SATB2: variants seen among roughly 807,000 people sequenced by gnomAD.
SATB2 encodes the protein SATB homeobox 2, also known as DNA-binding protein SATB2.
In SATB2, 1 loss-of-function variant was observed where a neutral mutation model predicts 73.4. The observed-to-expected ratio is 0.01, with a 90% CI of 0.00 to 0.06. The LOEUF (loss-of-function observed/expected upper bound fraction) is 0.06. Ranked by LOEUF, SATB2 falls within the 10% of genes least tolerant of loss-of-function variation. The pLI is 1.00. For missense variants in SATB2, 459 were observed against 945.8 expected (o/e 0.49, Z 6.75); for synonymous variants, 397 against 367.0 (o/e 1.08, Z -0.93).
intron 10 of SATB2, among the ~76,000 whole-genome samples, chr2:199,283,141 T>G (rs1692578681): frequency 6.6e-6 from 1 of 150,996 alleles, no homozygotes; most frequent in African/African-American, 2.4e-5. Context: ...TGGAGTGCAA[T>G]GGTGCGATCT....
At chr2:199,430,619 G>T (rs1003363858) in intron 3 of SATB2, among the ~76,000 whole-genome samples, 1 of 152,032 alleles carries the variant, frequency 6.6e-6, no homozygotes, top group African/African-American at 2.4e-5. Flanking sequence ...TTTTAACACA[G>T]GGAAAGAAAT....
chr2:199,411,085 A>C (rs1299115835), intron 3 of SATB2, among the ~76,000 whole-genome samples: 2 of 152,094 alleles, frequency 1.3e-5, no homozygotes, highest in Non-Finnish European at 1.5e-5. Flanking sequence ...TTTGGACAAT[A>C]CTACTATGTA....
At chr2:199,285,233 TA>T (rs1340721229) in intron 10 of SATB2, among the ~76,000 whole-genome samples, 4 of 152,036 alleles carry the variant, frequency 2.6e-5, no homozygotes, top group African/African-American at 9.7e-5. Context: ...TCACACTCAA[TA>T]GTAAAAACAT....
chr2:199,349,322 T>TA, intron 6 of SATB2, 149 bp from the exon 7 acceptor site: 1 of 665,782 alleles, frequency 1.5e-6, no homozygotes, highest in Non-Finnish European at 2.6e-6. Flanking sequence ...ATAAAAGTGA[T>TA]ATTCTTTTCT....
chr2:199,331,747 T>C (rs1024534304), intron 7 of SATB2, among the ~76,000 whole-genome samples: 3 of 152,124 alleles, frequency 2.0e-5, no homozygotes, highest in East Asian at 1.9e-4. Context: ...ATTTCGTTAG[T>C]TGAAAATCAT....
rs553496858 is a variant in SATB2 at position 199,437,159 on chromosome 2, T to C, written c.170-3645A>G. ...CTTTTATTGTAGCACAGACCCATTT[T>C]CAGATGATCTAGTAGAGAACTTTGA... On this transcript the variant is annotated intron_variant, in intron 2 of 10. Transcript: ENST00000417098. 2.6e-5 allele frequency among the ~76,000 whole-genome samples: 4 copies of C among 152,356 alleles called. No homozygotes were observed. The South Asian group carries it at 6.2e-4, about 24-fold the overall frequency.
chr2:199,403,789 A>C (rs1690552484), intron 3 of SATB2, among the ~76,000 whole-genome samples: 5 of 152,342 alleles, frequency 3.3e-5, no homozygotes, highest in Admixed American at 3.3e-4. Flanking sequence ...TGATATTCAA[A>C]GTGGCTGGAT....
At chr2:199,342,642 T>G (rs1220693101) in intron 7 of SATB2, among the ~76,000 whole-genome samples, 2 of 152,102 alleles carry the variant, frequency 1.3e-5, no homozygotes, top group Non-Finnish European at 2.9e-5. Context: ...GACTCAATTT[T>G]ATGTTCCTAG....
At chr2:199,447,463 A>C (rs1439104969) in intron 2 of SATB2, among the ~76,000 whole-genome samples, 1 of 152,104 alleles carries the variant, frequency 6.6e-6, no homozygotes, top group Non-Finnish European at 1.5e-5. Context: ...CCTAGTTTGG[A>C]CTTTGGGAAG....
chr2:199,385,714 A>C (rs1689911050), intron 3 of SATB2, among the ~76,000 whole-genome samples: 1 of 152,182 alleles, frequency 6.6e-6, no homozygotes. Flanking sequence ...CACTGGCTCA[A>C]GTGAGAGGCA....
chr2:199,468,893 T>A (rs767904853), upstream of SATB2: 1 of 152,308 alleles, frequency 6.6e-6, no homozygotes, highest in Non-Finnish European at 1.5e-5. Flanking sequence ...TGAAACACTT[T>A]TTTTCCTGCC....
At position 199,283,122 on chromosome 2, in the gene SATB2, C is replaced by G. The variant is rs571782999; in HGVS notation, c.1741-10450G>C. On this transcript the variant is annotated intron_variant, in intron 10 of 10. Transcript: ENST00000417098. ...TTTTTGAGATGGAATCTCACTCTGTCGCCCAGGCTGGAGTGCAATGGTGCG... is the reference window on the plus strand; with the variant it reads ...TTTTTGAGATGGAATCTCACTCTGTGGCCCAGGCTGGAGTGCAATGGTGCG... Among the ~76,000 whole-genome samples, 34 of 146,230 alleles carry G rather than the reference C, an allele frequency of 2.3e-4. No individual in the cohort carries two copies. In the Admixed American group the frequency reaches 2.4e-3, roughly 10 times the overall value.
At chr2:199,375,958 A>G (rs1230750547) in intron 5 of SATB2, among the ~76,000 whole-genome samples, 1 of 152,206 alleles carries the variant, frequency 6.6e-6, no homozygotes, top group African/African-American at 2.4e-5. Flanking sequence ...TTTACTTTAT[A>G]CAGGCTGAAC....
At chr2:199,390,996 CATTT>C (rs1690115372) in intron 3 of SATB2, among the ~76,000 whole-genome samples, 1 of 152,148 alleles carries the variant, frequency 6.6e-6, no homozygotes, top group South Asian at 2.1e-4. Flanking sequence ...AACGTATATT[CATTT>C]ATGTTGTACA....
At chr2:199,289,909 T>C (rs1692803866) in intron 10 of SATB2, among the ~76,000 whole-genome samples, 1 of 152,218 alleles carries the variant, frequency 6.6e-6, no homozygotes, top group Admixed American at 6.5e-5. Context: ...CAGACTCTTA[T>C]AATCTCTTGC....
At chr2:199,291,917 AAAAT>A (rs1352122883) in intron 10 of SATB2, among the ~76,000 whole-genome samples, 2 of 152,120 alleles carry the variant, frequency 1.3e-5, no homozygotes, top group Admixed American at 6.5e-5. Context: ...TCTCAAAAAA[AAAAT>A]AAATAAAAAT....
chr2:199,313,036 A>G (rs946698813), intron 9 of SATB2, among the ~76,000 whole-genome samples: 2 of 152,192 alleles, frequency 1.3e-5, no homozygotes, highest in Non-Finnish European at 2.9e-5. Flanking sequence ...CAGAAAATAG[A>G]CATTAGTAGA....
Position 199,455,493 on chromosome 2 carries a change from T to G in SATB2, c.169+376A>C, listed in dbSNP as rs539045417. Among the ~76,000 whole-genome samples the G allele has an allele frequency of 6.6e-6, 1 of 152,298 alleles. No homozygotes were observed. The highest frequency in any genetic ancestry group is 2.1e-4 in the South Asian group (1 of 4,816). Reference sequence around the variant, plus strand: ...GCCTGAGCATTAATGACTATTTTATTCCCTAAAAGCGAACGCACGTGAACT... The same window carrying G: ...GCCTGAGCATTAATGACTATTTTATGCCCTAAAAGCGAACGCACGTGAACT... On this transcript the variant is annotated intron_variant, in intron 2 of 10. Transcript: ENST00000417098. The surrounding 1 kb of genome is among the most constrained non-coding windows in gnomAD (Gnocchi z 4.1).
chr2:199,287,153 A>C (rs1185102019), intron 10 of SATB2, among the ~76,000 whole-genome samples: 2 of 152,224 alleles, frequency 1.3e-5, no homozygotes, highest in African/African-American at 2.4e-5. Flanking sequence ...TCTCAAGTGA[A>C]GTAAAAATGT....
Sources: allele counts gnomAD v4.1 joint callset (sites outside exome capture counted in the v4.1 genomes callset), GRCh38; gene constraint gnomAD v4.1.1; non-coding constraint Gnocchi (gnomAD v3.1); transcripts MANE v1.5; gene names NCBI Gene and HGNC (gene_info 2026-07-23, HGNC 2026-07-21).